Variants in PKD1L3 observed in about 807,000 individuals in gnomAD.
PKD1L3 encodes the protein polycystin-1-like protein 3.
A neutral mutation model predicts 184.1 loss-of-function variants in PKD1L3; 239 were observed. The observed-to-expected ratio is 1.30, with a 90% confidence interval of 1.17 to 1.45. The LOEUF (loss-of-function observed/expected upper bound fraction) is 1.45, where lower values mean the gene tolerates loss of function less well. Ranked by LOEUF, PKD1L3 falls within the 40% of genes most tolerant of loss-of-function variation. The probability of loss-of-function intolerance (pLI) is 0.00; values close to 1 mark genes in which losing one functional copy is unlikely to be tolerated. For missense variants in PKD1L3, 2,660 were observed against 2,067.2 expected (o/e 1.29, Z -5.56); for synonymous variants, 996 against 778.8 (o/e 1.28, Z -4.64).
chr16:71,947,657 T>TA, intron 21 of PKD1L3, 66 bp from the exon 22 acceptor site: 7 of 1,106,646 alleles, frequency 6.3e-6, no homozygotes, highest in Non-Finnish European at 9.2e-6. Context: ...ATACCGTATG[T>TA]AAAGGAAGAG....
rs1372658942 is a variant in PKD1L3 at position 71,937,368 on chromosome 16, G to A, written c.4376C>T (p.Ser1459Leu). Residue 1459 changes from serine to leucine, a missense_variant, in exon 25 of 30, where the codon TCA becomes TTA. By Grantham distance (145) the Ser-to-Leu change is moderately radical (BLOSUM62 -2). Coordinates refer to ENST00000620267, the MANE Select transcript of PKD1L3 (RefSeq NM_181536.2). ...RLESFTSLQM[S>L]KKGCVWSIIS... is the part of the protein sequence containing the mutation. ...GATAGACCAGACACAGCCCTTCTTT[G>A]ACATCTGAAGGGAAGTGAAGCTTTC... is the stretch of plus-strand genomic sequence containing the variant. 1 of 1,551,490 alleles carries A rather than the reference G, an allele frequency of 6.4e-7. No homozygotes were observed. Among genetic ancestry groups the A allele is most frequent in the Non-Finnish European group, 8.7e-7 (1 of 1,146,810 alleles).
At chr16:71,934,428 C>T (rs1161616268) in intron 26 of PKD1L3, among the ~76,000 whole-genome samples, 1 of 152,166 alleles carries the variant, frequency 6.6e-6, no homozygotes, top group Non-Finnish European at 1.5e-5. Context: ...GCAAAACCAG[C>T]CTCCTGCACT....
intron 22 of PKD1L3, among the ~76,000 whole-genome samples, chr16:71,945,305 T>C (rs61379349): frequency 0.018 from 1,044 of 59,210 alleles, 13 homozygotes; most frequent in African/African-American, 0.032. Context: ...TATATATATA[T>C]ACACACACAC....
At position 71,947,638 on chromosome 16, in the gene PKD1L3, A is replaced by G. The variant is rs370428291; in HGVS notation, c.3619-47T>C. 1.0e-5 allele frequency: 13 copies of G among 1,288,566 alleles called. No individual in the cohort carries two copies. The East Asian group carries it at 1.0e-4, about 10-fold the overall frequency. The allele number at this position is 1,288,566 out of a possible 1,614,324, so 79.8% of individuals were successfully genotyped here. ...CATCGTGAGCAGACATTACAGACCC[A>G]GGAAGATAATACCGTATGTAAAGGA... On this transcript the variant is annotated intron_variant, in intron 21 of 29. Transcript: ENST00000620267.
At chr16:71,995,517 T>C (rs1163919426) in intron 2 of PKD1L3, among the ~76,000 whole-genome samples, 2 of 152,228 alleles carry the variant, frequency 1.3e-5, no homozygotes, top group Non-Finnish European at 2.9e-5. Context: ...CGTACGTGTA[T>C]GTATACAGGC....
chr16:71,977,455 T>C lies in PKD1L3; in HGVS notation c.1540A>G (p.Arg514Gly), dbSNP rs1050923644. ...LMEDIEIMLW[R>G]NVSLETHPTS... Reference sequence around the variant, plus strand: ...GGATGGGTTTCCAAGCTAACATTTCTCCAGAGCATGATCTAGAATAAGAGA... The same window carrying C: ...GGATGGGTTTCCAAGCTAACATTTCCCCAGAGCATGATCTAGAATAAGAGA... The change falls in exon 11 of 30, where the codon AGA becomes GGA. Residue 514 changes from arginine (R) to glycine (G), a missense_variant. Coordinates refer to ENST00000620267, the MANE Select transcript of PKD1L3 (RefSeq NM_181536.2). 15 of 1,548,258 alleles carry C rather than the reference T, an allele frequency of 9.7e-6. No individual in the cohort carries two copies. Among genetic ancestry groups the C allele is most frequent in the Admixed American group, 5.9e-5 (3 of 50,964 alleles).
chr16:71,988,747 T>C (rs1201275933), intron 4 of PKD1L3, among the ~76,000 whole-genome samples: 1 of 152,190 alleles, frequency 6.6e-6, no homozygotes, highest in African/African-American at 2.4e-5. Flanking sequence ...ACACATTTAT[T>C]GAGTCCAAGT....
rs2038411249 is a variant in PKD1L3, at chr16:71,942,891, G to A, written c.3993C>T (p.Phe1331=). 2.6e-6 allele frequency: 4 copies of A among 1,551,616 alleles called. No individual in the cohort carries two copies. In the East Asian group the frequency reaches 9.8e-5, roughly 38 times the overall value. ...GAAGGATATGATTGGCCCAGGGGTA[G>A]AAATCCTGAAGAAGTTTGATTTCCG... The part of the protein sequence containing the change: ...QFSEIKLLQD[F]YPWANHILLP... Residue 1331 remains phenylalanine, a synonymous_variant, in exon 24 of 30, where the codon TTC becomes TTT. Coordinates refer to ENST00000620267, the MANE Select transcript of PKD1L3 (RefSeq NM_181536.2).
rs749873505 is a variant in PKD1L3 at position 71,942,835 on chromosome 16, T to C, written c.4049A>G (p.Lys1350Arg). ...LPSLYGDYRG[K>R]NAVLEPSHCK... The stretch of plus-strand genomic sequence containing the variant: ...ATGACTGGGCTCCAGGACTGCATTC[T>C]TACCTCTGTAATCCCCATACAGGCT... The change falls in exon 24 of 30, where the codon AAG (lysine) becomes AGG (arginine). Residue 1350 changes from lysine (K) to arginine (R), a missense_variant. Physicochemically the swap from Lys to Arg is conservative, Grantham distance 26. Coordinates refer to ENST00000620267, the MANE Select transcript of PKD1L3 (RefSeq NM_181536.2). 5.8e-6 allele frequency: 9 copies of C among 1,551,682 alleles called. No homozygotes were observed. The South Asian group carries it at 1.1e-4, about 18-fold the overall frequency.
At chr16:71,944,509 G>A (rs959302529) in intron 22 of PKD1L3, among the ~76,000 whole-genome samples, 1 of 151,852 alleles carries the variant, frequency 6.6e-6, no homozygotes, top group South Asian at 2.1e-4. Flanking sequence ...ATAGTGAGAC[G>A]TTGTCTCTAC....
intron 28 of PKD1L3, among the ~76,000 whole-genome samples, chr16:71,932,984 GTC>G (rs1274695139): frequency 6.6e-6 from 1 of 151,146 alleles, no homozygotes; most frequent in Non-Finnish European, 1.5e-5. Context: ...TAGAGACAAA[GTC>G]TCTATGTTGC....
Position 71,951,613 on chromosome 16 carries a change from G to A in PKD1L3, c.3141C>T (p.His1047=), listed in dbSNP as rs1310604807. Reference sequence around the variant, plus strand: ...GCTGATGACAGCCTTGACCCTCCAAGTGAGATGATACGAGGCTGGATAAAA... The same window carrying A: ...GCTGATGACAGCCTTGACCCTCCAAATGAGATGATACGAGGCTGGATAAAA... ...VKLLSSLVSS[H]LEGQGCHQQG... Residue 1047 remains histidine (H), a synonymous_variant, in exon 19 of 30, where the codon CAC becomes CAT. Transcript: ENST00000620267. 27 of 1,551,746 alleles carry A rather than the reference G, an allele frequency of 1.7e-5. No homozygotes were observed. Among genetic ancestry groups the A allele is most frequent in the Non-Finnish European group, 2.3e-5 (26 of 1,147,038 alleles).
chr16:71,980,879 T>TC (rs1450209073), intron 7 of PKD1L3, among the ~76,000 whole-genome samples: 3 of 152,192 alleles, frequency 2.0e-5, no homozygotes, highest in Middle Eastern at 6.8e-3. Context: ...CACTCTCCAT[T>TC]CCCTCATCCC....
chr16:71,970,820 A>G (rs1016992957), intron 12 of PKD1L3, among the ~76,000 whole-genome samples: 20 of 152,180 alleles, frequency 1.3e-4, no homozygotes, highest in Non-Finnish European at 2.5e-4. Flanking sequence ...AAATAAATAA[A>G]TAATACATAA....
chr16:71,933,906 G>C lies in PKD1L3; in HGVS notation c.4824+9C>G, dbSNP rs1193889027. Reference sequence around the variant, plus strand: ...ACGGAGAAGGAGAGACAGCAACGTGGGGGCTTACGGCAATGGCATAGCCTG... The same window carrying C: ...ACGGAGAAGGAGAGACAGCAACGTGCGGGCTTACGGCAATGGCATAGCCTG... On this transcript the variant is annotated intron_variant, in intron 27 of 29. Transcript: ENST00000620267. 1 of 1,549,516 alleles carries C rather than the reference G, an allele frequency of 6.5e-7. No homozygotes were observed. Among genetic ancestry groups the C allele is most frequent in the South Asian group, 1.2e-5 (1 of 84,028 alleles).
chr16:71,951,677 G>C lies in PKD1L3; in HGVS notation c.3077C>G (p.Pro1026Arg). 6.4e-7 allele frequency: 1 copy of C among 1,551,582 alleles called. No individual in the cohort carries two copies. The highest frequency in any genetic ancestry group is 1.2e-5 in the South Asian group (1 of 84,058). ...NTYLLSKCEQ[P>R]PWSSWDITKL... is the part of the protein sequence containing the mutation. ...AGTAATGTCCCAAGAACTCCATGGC[G>C]GCTGCTCACACTTGGAGAGTAGGTA... is the stretch of plus-strand genomic sequence containing the variant. The change falls in exon 19 of 30, where the codon CCG becomes CGG. Residue 1026 changes from proline to arginine, a missense_variant. Physicochemically the swap from Pro to Arg is moderately radical, Grantham distance 103 (BLOSUM62 -2). Transcript: ENST00000620267.
chr16:71,990,239 A>C (rs1278783737), intron 4 of PKD1L3, 41 bp downstream of exon 4: 9 of 1,471,660 alleles, frequency 6.1e-6, no homozygotes, highest in Non-Finnish European at 8.4e-6. Context: ...TGACAAAGAG[A>C]TCAACATTTC....
chr16:71,937,173 A>T, intron 25 of PKD1L3, 119 bp downstream of exon 25: 1 of 1,016,214 alleles, frequency 9.8e-7, no homozygotes, highest in Non-Finnish European at 1.4e-6. Flanking sequence ...CTCACATCTC[A>T]GCCTCCCGAG....
At position 71,983,659 on chromosome 16, in the gene PKD1L3, C is replaced by CTTTTTTTTTTTTTTTTTTTTTTTTTTTTT. The variant is rs66523761; in HGVS notation, c.966+376_966+377insAAAAAAAAAAAAAAAAAAAAAAAAAAAAA. On this transcript the variant is annotated intron_variant, in intron 6 of 29. Transcript: ENST00000620267. ...GCATAAGGCACAATCTCCAGATTCT[C>CTTTTTTTTTTTTTTTTTTTTTTTTTTTTT]TTTCTTTTTTTTTTTTTTTTTTTTT... 2.2e-5 allele frequency among the ~76,000 whole-genome samples: 2 copies of CTTTTTTTTTTTTTTTTTTTTTTTTTTTTT among 92,396 alleles called. 1 individual carries two copies. The allele number at this position is 92,396 out of a possible 152,430, so 60.6% of individuals were successfully genotyped here. A position where few individuals can be genotyped will look rare whatever the true frequency, so the allele number is the denominator to read the frequency against.
Sources: gnomAD v4.1 joint callset for allele counts (sites outside exome capture counted in the v4.1 genomes callset) on GRCh38, gnomAD v4.1.1 for gene constraint, MANE v1.5 for transcripts, NCBI Gene and HGNC (gene_info 2026-07-23, HGNC 2026-07-21) for gene names.